Variants in CELF2 observed in about 807,000 individuals in gnomAD.
CELF2 encodes the protein CUG triplet repeat RNA-binding protein 2.
CELF2 carries 8 observed loss-of-function variants against 62.6 expected under a neutral mutation model. That is an observed-to-expected ratio of 0.13 (90% CI 0.07 to 0.23). The LOEUF is 0.23. Among genes scored for constraint, CELF2 ranks in the 10% least tolerant of loss-of-function variants. The pLI, the probability that CELF2 is intolerant of heterozygous loss-of-function variation, is 1.00. For missense variants in CELF2, 333 were observed against 671.0 expected, an observed-to-expected ratio of 0.50 and a Z score of 5.56; for synonymous variants, 258 against 250.0, an observed-to-expected ratio of 1.03 and a Z score of -0.30.
At chr10:10,497,650 A>G in the CELF2 span, among the ~76,000 whole-genome samples, 42 of 152,124 alleles carry the variant, frequency 2.8e-4, no homozygotes, top group Non-Finnish European at 1.5e-5. Flanking sequence ...TCTGCAAGAG[A>G]GTGTTTCAGC....
intron 1 of CELF2, among the ~76,000 whole-genome samples, chr10:10,842,497 T>C (rs768049067): frequency 6.6e-6 from 1 of 152,066 alleles, no homozygotes; most frequent in African/African-American, 2.4e-5. Flanking sequence ...TTTTTTCTTA[T>C]GAATGAATGT....
At chr10:11,169,594 C>A (rs2068225826) in intron 2 of CELF2, among the ~76,000 whole-genome samples, 1 of 152,184 alleles carries the variant, frequency 6.6e-6, no homozygotes, top group African/African-American at 2.4e-5. Flanking sequence ...AAGCCTAGAG[C>A]TATAGGCTAG....
chr10:10,692,226 T>C, the CELF2 span, among the ~76,000 whole-genome samples: 2 of 150,098 alleles, frequency 1.3e-5, no homozygotes, highest in South Asian at 4.3e-4. Flanking sequence ...TTTCTACATA[T>C]GGCTAGCCAG....
At chr10:11,283,706 T>C (rs1191409790) in intron 8 of CELF2, among the ~76,000 whole-genome samples, 1 of 148,336 alleles carries the variant, frequency 6.7e-6, no homozygotes, top group Non-Finnish European at 1.5e-5. Flanking sequence ...GTGGGTCAAA[T>C]ATGTCCTGGA....
chr10:10,576,923 A>G, the CELF2 span, among the ~76,000 whole-genome samples: 1 of 152,280 alleles, frequency 6.6e-6, no homozygotes, highest in Middle Eastern at 3.4e-3. Flanking sequence ...CATTTAGGAA[A>G]CCAAAGAGGA....
chr10:10,921,483 G>A lies in CELF2; in HGVS notation c.89+1484G>A, dbSNP rs2064905685. Among the ~76,000 whole-genome samples, 8 of 151,936 alleles carry A rather than the reference G, an allele frequency of 5.3e-5. No individual in the cohort carries two copies. In the South Asian group the frequency reaches 1.2e-3, roughly 24 times the overall value. The stretch of plus-strand genomic sequence containing the variant: ...GGGGTTTCACCATGTTGGCCAGCTG[G>A]TCTCGAACTCCTGACCTCAGGTGAT... On this transcript the variant is annotated intron_variant, in intron 2 of 13. Transcript: ENST00000636488.
chr10:10,603,537 G>A, the CELF2 span, among the ~76,000 whole-genome samples: 1 of 152,220 alleles, frequency 6.6e-6, no homozygotes, highest in East Asian at 1.9e-4. Context: ...GGAGAGAAAA[G>A]GGGGCTAATT....
chr10:10,697,586 C>T, the CELF2 span, among the ~76,000 whole-genome samples: 63 of 152,302 alleles, frequency 4.1e-4, no homozygotes, highest in South Asian at 3.7e-3. Flanking sequence ...AAGACACTGA[C>T]GGATGTAGCA....
the CELF2 span, among the ~76,000 whole-genome samples, chr10:10,691,451 A>T: frequency 6.8e-6 from 1 of 148,094 alleles, no homozygotes; most frequent in African/African-American, 2.5e-5. Flanking sequence ...ATTGTGAATA[A>T]TGCCACAATA....
Position 11,260,987 on chromosome 10 carries a change from G to A in CELF2, c.538+3115G>A, listed in dbSNP as rs538835181. Among the ~76,000 whole-genome samples the A allele has an allele frequency of 1.2e-4, 18 of 152,282 alleles. 1 individual carries two copies. Among genetic ancestry groups the A allele is most frequent in the South Asian group, 4.1e-4 (2 of 4,826 alleles). ...GGCATTCAGCATTTCTGTTCTCAGCGTCTATTGCTGGCTCAGCTGTTTAAA... is the reference window on the plus strand; with the variant it reads ...GGCATTCAGCATTTCTGTTCTCAGCATCTATTGCTGGCTCAGCTGTTTAAA... On this transcript the variant is annotated intron_variant, in intron 5 of 12. Transcript: ENST00000633077. The surrounding 1 kb of genome is among the most constrained non-coding windows in gnomAD (Gnocchi z 4.2).
At chr10:10,627,847 A>G in the CELF2 span, among the ~76,000 whole-genome samples, 1 of 152,160 alleles carries the variant, frequency 6.6e-6, no homozygotes, top group African/African-American at 2.4e-5. Flanking sequence ...AAACATGCAC[A>G]TTTGGTTTGT....
At chr10:11,037,655 T>C (rs954721131) in intron 1 of CELF2, among the ~76,000 whole-genome samples, 4 of 152,172 alleles carry the variant, frequency 2.6e-5, no homozygotes, top group Admixed American at 1.3e-4. Context: ...GTTTCTGTAA[T>C]TTACTAAAAG....
chr10:10,521,713 T>C, the CELF2 span, among the ~76,000 whole-genome samples: 1 of 152,210 alleles, frequency 6.6e-6, no homozygotes, highest in African/African-American at 2.4e-5. Context: ...AACCCTAAGC[T>C]GTAAAAATTG....
the CELF2 span, among the ~76,000 whole-genome samples, chr10:10,667,225 C>T: frequency 4.6e-5 from 7 of 152,180 alleles, no homozygotes; most frequent in Non-Finnish European, 8.8e-5. Context: ...AGACAGCTGA[C>T]TTTTTGTTTT....
the CELF2 span, among the ~76,000 whole-genome samples, chr10:10,595,662 T>C: frequency 1.3e-5 from 2 of 152,166 alleles, no homozygotes; most frequent in Non-Finnish European, 2.9e-5. Flanking sequence ...TCCCTAGAAA[T>C]ACCTGCATAA....
At chr10:10,526,362 G>GT in the CELF2 span, among the ~76,000 whole-genome samples, 1 of 152,202 alleles carries the variant, frequency 6.6e-6, no homozygotes, top group African/African-American at 2.4e-5. Flanking sequence ...GTCACACAGA[G>GT]TAACATCACA....
At chr10:11,038,825 G>A (rs1034102) in intron 1 of CELF2, among the ~76,000 whole-genome samples, 37,098 of 152,038 alleles carry the variant, frequency 0.24, 4,847 homozygotes, top group African/African-American at 0.32. Context: ...GCTTAAAACT[G>A]TGATAATTAT....
At chr10:10,785,853 T>C in the CELF2 span, among the ~76,000 whole-genome samples, 14 of 152,204 alleles carry the variant, frequency 9.2e-5, no homozygotes, top group African/African-American at 3.4e-4. Flanking sequence ...TATTTTACAC[T>C]TGAAAATTGC....
At chr10:10,802,799 T>C (rs2131548752) in intron 1 of CELF2, among the ~76,000 whole-genome samples, 1 of 152,310 alleles carries the variant, frequency 6.6e-6, no homozygotes, top group African/African-American at 2.4e-5. Context: ...AGGAATGTCC[T>C]TCCCCACCTC....
Sources: gnomAD v4.1 joint callset for allele counts (sites outside exome capture counted in the v4.1 genomes callset) on GRCh38, gnomAD v4.1.1 for gene constraint, Gnocchi (gnomAD v3.1) non-coding constraint, MANE v1.5 for transcripts, NCBI Gene and HGNC (gene_info 2026-07-23, HGNC 2026-07-21) for gene names.